The following ZC3H13 variants were observed in gnomAD, a reference collection of about 807,000 sequenced individuals.
ZC3H13 encodes zinc finger CCCH domain-containing protein 13.
Under a neutral mutation model 204.1 loss-of-function variants are expected in ZC3H13, and 64 were observed. The ratio of observed to expected loss-of-function variants is 0.31; its 90% CI spans 0.26 to 0.39. The LOEUF is 0.39. Among genes scored for constraint, ZC3H13 ranks in the 10% least tolerant of loss-of-function variants. The pLI is 1.00. For synonymous variants in ZC3H13, 667 were observed against 693.7 expected (o/e 0.96, Z 0.60); for missense variants, 1,833 against 2,082.7 (o/e 0.88, Z 2.33).
chr13:45,967,849 C>T lies in ZC3H13; in HGVS notation c.3976G>A (p.Asp1326Asn). Reference protein sequence around the residue: ...RDTRQREWDRDADKDWPRNRD... With the variant: ...RDTRQREWDRNADKDWPRNRD... ...TTGCGTGGCCAATCTTTATCAGCATCTCGGTCCCATTCTCTCTGCCTCGTA... is the reference window on the plus strand; with the variant it reads ...TTGCGTGGCCAATCTTTATCAGCATTTCGGTCCCATTCTCTCTGCCTCGTA... Residue 1326 changes from aspartate to asparagine, a missense_variant, in exon 15 of 19, where the codon GAT (aspartate) becomes AAT (asparagine). Around this residue, in one of 5 missense-constraint regions of ZC3H13, gnomAD observed 1,574 missense variants for 1,757.2 expected, o/e 0.90. Coordinates refer to ENST00000679008, the MANE Select transcript of ZC3H13 (RefSeq NM_001330564.2). 6.2e-7 allele frequency: 1 copy of T among 1,613,954 alleles called. No homozygotes were observed. The highest frequency in any genetic ancestry group is 8.5e-7 in the Non-Finnish European group (1 of 1,179,972).
At chr13:45,972,211 C>T (rs145715769) in intron 12 of ZC3H13, among the ~76,000 whole-genome samples, 2,181 of 151,782 alleles carry the variant, frequency 0.014, 48 homozygotes, top group African/African-American at 0.049. Flanking sequence ...ATGTTTATAG[C>T]AGCAAAATTC....
intron 7 of ZC3H13, among the ~76,000 whole-genome samples, chr13:46,005,849 T>G (rs1393596068): frequency 3.9e-5 from 6 of 152,078 alleles, no homozygotes; most frequent in Non-Finnish European, 4.4e-5. Context: ...ATCCCAGCAC[T>G]TTGAAAGGCC....
At chr13:46,039,426 A>G (rs2043420646) in intron 4 of ZC3H13, among the ~76,000 whole-genome samples, 1 of 152,234 alleles carries the variant, frequency 6.6e-6, no homozygotes, top group Non-Finnish European at 1.5e-5. Flanking sequence ...CGCATGTGTC[A>G]TCATGGAATA....
intron 5 of ZC3H13, among the ~76,000 whole-genome samples, chr13:46,016,222 A>T (rs867536989): frequency 3.9e-5 from 6 of 152,288 alleles, no homozygotes; most frequent in Middle Eastern, 3.4e-3. Context: ...TTCGAACCAT[A>T]AACTCAAGAG....
intron 9 of ZC3H13, among the ~76,000 whole-genome samples, chr13:45,986,147 AT>A (rs1277534298): frequency 2.6e-5 from 4 of 152,230 alleles, no homozygotes; most frequent in Non-Finnish European, 5.9e-5. Context: ...AAACTAGACC[AT>A]CTGTGACCTC....
intron 11 of ZC3H13, chr13:45,976,235 T>C (rs1450587401): frequency 5.1e-6 from 5 of 984,746 alleles, no homozygotes; most frequent in Non-Finnish European, 6.0e-6. Context: ...TGGCAAAGGA[T>C]AGGGGCAGCA....
At chr13:45,971,405 A>G (rs951405145) in intron 12 of ZC3H13, among the ~76,000 whole-genome samples, 4 of 152,218 alleles carry the variant, frequency 2.6e-5, no homozygotes, top group African/African-American at 7.2e-5. Flanking sequence ...CATACAAAAC[A>G]TAACTGGGGA....
intron 4 of ZC3H13, among the ~76,000 whole-genome samples, chr13:46,039,553 T>C (rs547913474): frequency 6.6e-6 from 1 of 152,324 alleles, no homozygotes; most frequent in African/African-American, 2.4e-5. Flanking sequence ...GCTCTAAATA[T>C]GGATTCCAGA....
chr13:46,039,952 T>C (rs2043460586), intron 4 of ZC3H13, among the ~76,000 whole-genome samples: 1 of 152,138 alleles, frequency 6.6e-6, no homozygotes, highest in African/African-American at 2.4e-5. Flanking sequence ...AGAGTAGCGG[T>C]ACATTTACTG....
At chr13:46,007,044 A>G (rs1256669945) in intron 7 of ZC3H13, among the ~76,000 whole-genome samples, 1 of 152,116 alleles carries the variant, frequency 6.6e-6, no homozygotes, top group African/African-American at 2.4e-5. Context: ...AAACGGATCA[A>G]TAATTAGCAT....
At chr13:45,962,608 G>GTA in intron 17 of ZC3H13, 1 of 984,530 alleles carries the variant, frequency 1.0e-6, no homozygotes, top group Non-Finnish European at 1.2e-6. Flanking sequence ...TTTTGTACAT[G>GTA]TATACTCTAG....
intron 17 of ZC3H13, among the ~76,000 whole-genome samples, chr13:45,961,170 C>T (rs889604149): frequency 1.3e-5 from 2 of 151,976 alleles, no homozygotes; most frequent in Non-Finnish European, 2.9e-5. Context: ...ATGTTTGTAC[C>T]AACCAATGAT....
intron 4 of ZC3H13, among the ~76,000 whole-genome samples, chr13:46,033,902 CG>C (rs1222632541): frequency 1.3e-5 from 2 of 151,946 alleles, no homozygotes; most frequent in Non-Finnish European, 2.9e-5. Context: ...ACTGGGAAAA[CG>C]TATTTGCAAT....
rs765159583 is a variant in ZC3H13 at position 45,985,292 on chromosome 13, C to T, written c.1720+5G>A. 18 of 1,605,436 alleles carry T rather than the reference C, an allele frequency of 1.1e-5. No individual in the cohort carries two copies. The highest frequency in any genetic ancestry group is 1.4e-5 in the Non-Finnish European group (16 of 1,176,162). ...TATAGTTCATAGACAAGTCAAAAAC[C>T]TTACCCTTTTCAGGTAACTCAGGAA... On this transcript the variant is annotated splice_donor_5th_base_variant and intron_variant, in intron 10 of 18. Transcript: ENST00000679008.
chr13:45,980,155 A>T, intron 10 of ZC3H13, 151 bp from the exon 11 acceptor site: 1 of 669,692 alleles, frequency 1.5e-6, no homozygotes, highest in Non-Finnish European at 2.2e-6. Context: ...TCAAGCAATG[A>T]ATCAGAACAA....
intron 8 of ZC3H13, among the ~76,000 whole-genome samples, chr13:45,996,748 C>T (rs939165247): frequency 2.0e-5 from 1 of 50,570 alleles, no homozygotes; most frequent in African/African-American, 6.6e-5. Flanking sequence ...TGAATATGTA[C>T]AAAAAAAAAA....
intron 8 of ZC3H13, among the ~76,000 whole-genome samples, chr13:45,998,421 G>A (rs1368341792): frequency 2.0e-5 from 3 of 152,002 alleles, no homozygotes; most frequent in African/African-American, 7.3e-5. Context: ...TGAGATGGGA[G>A]GATCACAAGG....
chr13:46,007,800 T>G (rs556668506), intron 7 of ZC3H13, among the ~76,000 whole-genome samples: 1 of 152,352 alleles, frequency 6.6e-6, no homozygotes, highest in East Asian at 1.9e-4. Context: ...TTTACTTTTA[T>G]CAGTTTTTAA....
chr13:45,975,489 TTCTC>T lies in ZC3H13; in HGVS notation c.2258_2261del (p.Arg753LysfsTer111). On this transcript the variant is annotated frameshift_variant, in exon 12 of 19. Transcript: ENST00000679008. LOFTEE classifies it high-confidence loss of function. ...CTCGCTCTCTCTCCCTCTCTCTCTC[TTCTC>T]TTTCTCGTTCCCGTTCTTTTTCCCT... The T allele has an allele frequency of 1.9e-6, 3 of 1,613,094 alleles. No homozygotes were observed. The highest frequency in any genetic ancestry group is 2.5e-6 in the Non-Finnish European group (3 of 1,179,534).
Sources: allele counts gnomAD v4.1 joint callset (sites outside exome capture counted in the v4.1 genomes callset), GRCh38; gene constraint gnomAD v4.1.1; regional missense constraint gnomAD v4.1.1; transcripts MANE v1.5; gene names NCBI Gene and HGNC (gene_info 2026-07-23, HGNC 2026-07-21).